Variants in GPR158 observed in about 807,000 individuals in gnomAD.
GPR158 encodes the protein G protein-coupled receptor 158, also known as metabotropic glycine receptor.
Under a neutral mutation model 78.2 loss-of-function variants are expected in GPR158, and 30 were observed. That is an observed-to-expected ratio of 0.38 (90% CI 0.29 to 0.52). GPR158 has a LOEUF of 0.52. Ranked by LOEUF, GPR158 falls within the 20% of genes least tolerant of loss-of-function variation. The pLI, the probability that GPR158 is intolerant of heterozygous loss-of-function variation, is 0.83. For synonymous variants in GPR158, 581 were observed against 591.1 expected, an observed-to-expected ratio of 0.98 and a Z score of 0.25; for missense variants, 1,463 against 1,523.5, an observed-to-expected ratio of 0.96 and a Z score of 0.66.
chr10:25,215,966 C>T (rs2765705), intron 1 of GPR158, among the ~76,000 whole-genome samples: 22,251 of 152,184 alleles, frequency 0.15, 2,055 homozygotes, highest in East Asian at 0.3. Flanking sequence ...TCACAGGTGA[C>T]GGTGCTGTCA....
chr10:25,576,615 G>C (rs757988257), intron 7 of GPR158, among the ~76,000 whole-genome samples: 1 of 152,174 alleles, frequency 6.6e-6, no homozygotes, highest in African/African-American at 2.4e-5. Context: ...GATTCATAGC[G>C]TGAGATGGCT....
rs191733002 is a variant in GPR158, at chr10:25,194,730, A to G, written c.902+18408A>G. Among the ~76,000 whole-genome samples the G allele has an allele frequency of 2.6e-4, 39 of 152,248 alleles. No homozygotes were observed. In the East Asian group the frequency reaches 2.7e-3, roughly 11 times the overall value. ...ATCATCATTAGCTTCTCCAATATGAAAAATGTGGAATTTGGTTTCGTTATA... is the reference window on the plus strand; with the variant it reads ...ATCATCATTAGCTTCTCCAATATGAGAAATGTGGAATTTGGTTTCGTTATA... On this transcript the variant is annotated intron_variant, in intron 1 of 10. Transcript: ENST00000376351.
At chr10:25,327,249 C>A (rs1276347750) in intron 2 of GPR158, among the ~76,000 whole-genome samples, 1 of 151,628 alleles carries the variant, frequency 6.6e-6, no homozygotes, top group African/African-American at 2.4e-5. Context: ...AGGACACTTA[C>A]AAACACACAC....
At chr10:25,308,065 T>G (rs1440042285) in intron 2 of GPR158, among the ~76,000 whole-genome samples, 4 of 152,242 alleles carry the variant, frequency 2.6e-5, no homozygotes, top group African/African-American at 9.6e-5. Context: ...CATTTTAATT[T>G]AGCCAATATG....
At chr10:25,366,314 T>C (rs1855722905) in intron 2 of GPR158, among the ~76,000 whole-genome samples, 1 of 151,660 alleles carries the variant, frequency 6.6e-6, no homozygotes, top group East Asian at 1.9e-4. Flanking sequence ...TCCAAACCTA[T>C]ATCCAGATTA....
At chr10:25,418,114 A>G (rs1483909111) in intron 4 of GPR158, among the ~76,000 whole-genome samples, 1 of 152,166 alleles carries the variant, frequency 6.6e-6, no homozygotes, top group Non-Finnish European at 1.5e-5. Context: ...GGGGTAATAG[A>G]GAGTTCTCTG....
chr10:25,403,191 T>C (rs1388423721), intron 3 of GPR158, among the ~76,000 whole-genome samples: 1 of 151,992 alleles, frequency 6.6e-6, no homozygotes, highest in African/African-American at 2.4e-5. Flanking sequence ...ATACTTTTAC[T>C]AGTTTCTATA....
intron 1 of GPR158, among the ~76,000 whole-genome samples, chr10:25,183,932 T>A (rs919321161): frequency 1.3e-5 from 2 of 152,242 alleles, no homozygotes; most frequent in African/African-American, 4.8e-5. Context: ...TTGGATGTCT[T>A]TCAAATTGAG....
At chr10:25,263,121 C>T (rs1275029891) in intron 2 of GPR158, among the ~76,000 whole-genome samples, 1 of 152,088 alleles carries the variant, frequency 6.6e-6, no homozygotes, top group Non-Finnish European at 1.5e-5. Flanking sequence ...AAAGTACTTG[C>T]CATACCCAAG....
chr10:25,387,762 C>T (rs1403022038), intron 2 of GPR158, among the ~76,000 whole-genome samples: 2 of 152,232 alleles, frequency 1.3e-5, no homozygotes, highest in African/African-American at 4.8e-5. Flanking sequence ...GATCCACCTG[C>T]CTCAGCCTCC....
chr10:25,350,488 C>T (rs571142031), intron 2 of GPR158, among the ~76,000 whole-genome samples: 6 of 151,996 alleles, frequency 3.9e-5, no homozygotes, highest in Non-Finnish European at 7.4e-5. Context: ...AACATAGTAT[C>T]GAAGGTCATA....
chr10:25,398,966 A>G (rs527988144), intron 3 of GPR158, among the ~76,000 whole-genome samples: 1 of 152,332 alleles, frequency 6.6e-6, no homozygotes, highest in African/African-American at 2.4e-5. Context: ...GCACAGCAGA[A>G]GATGAGCAGT....
chr10:25,186,901 C>G (rs1160593648), intron 1 of GPR158, among the ~76,000 whole-genome samples: 2 of 151,690 alleles, frequency 1.3e-5, no homozygotes, highest in South Asian at 2.1e-4. Context: ...GATACCAAAG[C>G]CTGGCAGAGA....
chr10:25,318,314 T>G (rs1854891460), intron 2 of GPR158, among the ~76,000 whole-genome samples: 1 of 152,166 alleles, frequency 6.6e-6, no homozygotes, highest in Non-Finnish European at 1.5e-5. Context: ...TCTTTCTCGG[T>G]GAGCACTGCC....
chr10:25,348,938 G>T (rs1855416146), intron 2 of GPR158, among the ~76,000 whole-genome samples: 1 of 152,022 alleles, frequency 6.6e-6, no homozygotes, highest in Admixed American at 6.6e-5. Flanking sequence ...GAACTCTGAT[G>T]TTCATTATTA....
chr10:25,417,493 G>GA (rs1564449387), intron 4 of GPR158, among the ~76,000 whole-genome samples: 1 of 152,142 alleles, frequency 6.6e-6, no homozygotes, highest in African/African-American at 2.4e-5. Flanking sequence ...TTCTATGCAT[G>GA]AAATCTATTT....
At chr10:25,180,382 A>C (rs1017162799) in intron 1 of GPR158, among the ~76,000 whole-genome samples, 1 of 152,232 alleles carries the variant, frequency 6.6e-6, no homozygotes, top group Non-Finnish European at 1.5e-5. Context: ...AGGAGCTAAA[A>C]TAAAATTTAG....
At chr10:25,361,934 G>A (rs1470023926) in intron 2 of GPR158, among the ~76,000 whole-genome samples, 2 of 151,680 alleles carry the variant, frequency 1.3e-5, no homozygotes, top group East Asian at 3.9e-4. Context: ...AGGTTGCCTT[G>A]TCACTCTGTT....
chr10:25,342,270 G>A (rs544199113), intron 2 of GPR158, among the ~76,000 whole-genome samples: 57 of 150,722 alleles, frequency 3.8e-4, no homozygotes, highest in African/African-American at 1.3e-3. Flanking sequence ...CTAGATGCTA[G>A]CACTGACTTT....
Sources: gnomAD v4.1 joint callset for allele counts (sites outside exome capture counted in the v4.1 genomes callset) on GRCh38, gnomAD v4.1.1 for gene constraint, MANE v1.5 for transcripts, NCBI Gene and HGNC (gene_info 2026-07-23, HGNC 2026-07-21) for gene names.